Variants in SGCZ observed in about 807,000 individuals in gnomAD.
SGCZ encodes sarcoglycan zeta, also known as zeta-sarcoglycan.
In SGCZ, 40 loss-of-function variants were observed where a neutral mutation model predicts 41.3. That is an observed-to-expected ratio of 0.97 (90% CI 0.75 to 1.26). The LOEUF is 1.26. Ranked by LOEUF, SGCZ falls within the 50% of genes most tolerant of loss-of-function variation. SGCZ has a pLI of 0.00. For missense variants in SGCZ, 552 were observed against 369.8 expected (o/e 1.49, Z -4.04); for synonymous variants, 206 against 137.5 (o/e 1.50, Z -3.49).
intron 1 of SGCZ, among the ~76,000 whole-genome samples, chr8:15,024,200 T>C (rs1477183621): frequency 2.0e-5 from 3 of 152,176 alleles, no homozygotes; most frequent in Non-Finnish European, 4.4e-5. Flanking sequence ...CATAAACAAA[T>C]ACATGTTTAT....
intron 1 of SGCZ, among the ~76,000 whole-genome samples, chr8:14,839,733 T>C (rs563500330): frequency 7.4e-4 from 112 of 152,244 alleles, no homozygotes; most frequent in African/African-American, 2.6e-3. Context: ...ATCTTTTGGC[T>C]TAAGTTCTCT....
intron 1 of SGCZ, among the ~76,000 whole-genome samples, chr8:15,165,415 C>T (rs1451619073): frequency 6.6e-6 from 1 of 152,154 alleles, no homozygotes; most frequent in Non-Finnish European, 1.5e-5. Context: ...TAACATGCAA[C>T]ATGCGGGTCA....
chr8:14,576,961 C>G (rs1804730207), intron 1 of SGCZ, among the ~76,000 whole-genome samples: 1 of 152,120 alleles, frequency 6.6e-6, no homozygotes, highest in South Asian at 2.1e-4. Context: ...AGTCTTCACC[C>G]AAAAGGCCCT....
chr8:14,979,793 G>C (rs992402467), intron 1 of SGCZ, among the ~76,000 whole-genome samples: 4 of 152,192 alleles, frequency 2.6e-5, no homozygotes, highest in African/African-American at 9.6e-5. Context: ...CTTTGGGCAG[G>C]TGATGACAAG....
chr8:14,499,682 A>T (rs1458863312), intron 2 of SGCZ, among the ~76,000 whole-genome samples: 2 of 151,960 alleles, frequency 1.3e-5, no homozygotes, highest in East Asian at 3.9e-4. Flanking sequence ...TTCTTTTTCC[A>T]GTGTTTGCCT....
chr8:14,239,274 C>G (rs1402272545), intron 3 of SGCZ, among the ~76,000 whole-genome samples: 1 of 151,206 alleles, frequency 6.6e-6, no homozygotes, highest in Non-Finnish European at 1.5e-5. Flanking sequence ...CACACACACA[C>G]ACACACACAC....
chr8:14,190,161 C>T lies in SGCZ; in HGVS notation c.425-25459G>A, dbSNP rs901198076. Among the ~76,000 whole-genome samples the T allele has an allele frequency of 5.3e-5, 8 of 151,514 alleles. No individual in the cohort carries two copies. In the East Asian group the frequency reaches 5.9e-4, roughly 11 times the overall value. ...CTGAGTAGCTGGGACTACAGGCGCC[C>T]GCCACCACGCCCGGCTAATTCTTTG... On this transcript the variant is annotated intron_variant, in intron 4 of 7. Coordinates refer to ENST00000382080, the MANE Select transcript of SGCZ (RefSeq NM_139167.4).
At chr8:14,826,605 G>A (rs1444462957) in intron 1 of SGCZ, among the ~76,000 whole-genome samples, 1 of 152,110 alleles carries the variant, frequency 6.6e-6, no homozygotes, top group Non-Finnish European at 1.5e-5. Flanking sequence ...GTTGTTTCCT[G>A]ACTTTTTAAT....
chr8:14,439,127 C>G (rs1441097017), intron 2 of SGCZ, among the ~76,000 whole-genome samples: 1 of 151,942 alleles, frequency 6.6e-6, no homozygotes, highest in Non-Finnish European at 1.5e-5. Flanking sequence ...CCTATGGGCT[C>G]TGCCTTTGAC....
intron 1 of SGCZ, among the ~76,000 whole-genome samples, chr8:15,054,755 C>CCATCCTGG (rs1563471728): frequency 1.3e-5 from 2 of 151,660 alleles, no homozygotes; most frequent in East Asian, 1.9e-4. Context: ...GAGATCAAGA[C>CCATCCTGG]CATCCTGGCT....
intron 3 of SGCZ, among the ~76,000 whole-genome samples, chr8:14,264,732 C>A (rs927851224): frequency 6.6e-6 from 1 of 152,094 alleles, no homozygotes; most frequent in Non-Finnish European, 1.5e-5. Context: ...GAGTCCGAGG[C>A]GGGCGGATCA....
rs150143839 is a variant in SGCZ at position 14,875,101 on chromosome 8, T to C, written c.40-320175A>G. ...AACAATGGAAATTTATTTCTCACAG[T>C]TCTGGAGGCTGGGAAATTCAAGCAC... is the stretch of plus-strand genomic sequence containing the variant. On this transcript the variant is annotated intron_variant, in intron 1 of 7. Coordinates refer to ENST00000382080, the MANE Select transcript of SGCZ (RefSeq NM_139167.4). Among the ~76,000 whole-genome samples, 590 of 152,258 alleles carry C rather than the reference T, an allele frequency of 3.9e-3. 4 individuals carry two copies. Among genetic ancestry groups the C allele is most frequent in the African/African-American group, 0.014 (572 of 41,554 alleles).
intron 2 of SGCZ, among the ~76,000 whole-genome samples, chr8:14,424,040 C>T (rs961614689): frequency 2.8e-4 from 42 of 152,224 alleles, no homozygotes; most frequent in African/African-American, 9.9e-4. Flanking sequence ...AGCTTCAAAA[C>T]ACAAAATAAT....
intron 1 of SGCZ, among the ~76,000 whole-genome samples, chr8:14,699,276 A>G (rs1350442051): frequency 1.3e-5 from 2 of 151,062 alleles, no homozygotes; most frequent in African/African-American, 2.4e-5. Context: ...AGATACATAG[A>G]CCAATGGAAT....
intron 1 of SGCZ, among the ~76,000 whole-genome samples, chr8:14,618,539 A>G (rs2117361874): frequency 6.6e-6 from 1 of 152,326 alleles, no homozygotes; most frequent in Middle Eastern, 3.4e-3. Flanking sequence ...AGAAATACAG[A>G]AAAGTAACAA....
At chr8:15,173,763 T>A (rs998696762) in intron 1 of SGCZ, among the ~76,000 whole-genome samples, 139 of 152,282 alleles carry the variant, frequency 9.1e-4, no homozygotes, top group African/African-American at 3.2e-3. Context: ...GATTCATTCA[T>A]TTATTTAGAG....
At chr8:14,135,648 T>G (rs112709137) in intron 5 of SGCZ, among the ~76,000 whole-genome samples, 8 of 152,230 alleles carry the variant, frequency 5.3e-5, no homozygotes, top group African/African-American at 1.7e-4. Flanking sequence ...TTAAAGAACT[T>G]GAATTTGTAA....
intron 3 of SGCZ, among the ~76,000 whole-genome samples, chr8:14,273,876 A>C (rs916835779): frequency 1.3e-5 from 2 of 152,176 alleles, no homozygotes; most frequent in African/African-American, 2.4e-5. Context: ...CTAGTATCTT[A>C]GAAGTCTGAA....
intron 2 of SGCZ, among the ~76,000 whole-genome samples, chr8:14,493,188 T>G (rs546521193): frequency 2.6e-5 from 4 of 152,086 alleles, no homozygotes; most frequent in African/African-American, 7.2e-5. Flanking sequence ...TCCAAAATAG[T>G]GTTCAAGCAG....
Sources: gnomAD v4.1 joint callset for allele counts (sites outside exome capture counted in the v4.1 genomes callset) on GRCh38, gnomAD v4.1.1 for gene constraint, MANE v1.5 for transcripts, NCBI Gene and HGNC (gene_info 2026-07-23, HGNC 2026-07-21) for gene names.